The following PRKCE variants were observed in gnomAD, a reference collection of about 807,000 sequenced individuals.
The protein encoded by PRKCE is protein kinase C epsilon type.
PRKCE carries 16 observed loss-of-function variants against 85.4 expected under a neutral mutation model. The observed-to-expected ratio is 0.19, with a 90% CI of 0.13 to 0.28. PRKCE has a LOEUF of 0.28. PRKCE is among the 10% of genes least tolerant of loss of function. The pLI, the probability that PRKCE is intolerant of heterozygous loss-of-function variation, is 1.00. For missense variants in PRKCE, 573 were observed against 975.2 expected, an observed-to-expected ratio of 0.59 and a Z score of 5.49; for synonymous variants, 388 against 371.5, an observed-to-expected ratio of 1.04 and a Z score of -0.51.
chr2:45,992,730 A>G (rs200782850), intron 6 of PRKCE, among the ~76,000 whole-genome samples: 1 of 152,210 alleles, frequency 6.6e-6, no homozygotes, highest in East Asian at 1.9e-4. Flanking sequence ...CTTTGGAGGA[A>G]TTCCCAGGAG....
intron 10 of PRKCE, among the ~76,000 whole-genome samples, chr2:46,035,982 G>A (rs1321775104): frequency 6.6e-6 from 1 of 152,242 alleles, no homozygotes; most frequent in African/African-American, 2.4e-5. Context: ...GCAGGGGAAG[G>A]TGGAAGTGCT....
chr2:46,173,799 T>C (rs1419029833), intron 14 of PRKCE, among the ~76,000 whole-genome samples: 1 of 152,220 alleles, frequency 6.6e-6, no homozygotes, highest in Admixed American at 6.5e-5. Flanking sequence ...AGACAAACGA[T>C]AGTTGGCTGA....
chr2:45,813,909 A>C (rs1688832461), intron 1 of PRKCE, among the ~76,000 whole-genome samples: 1 of 152,204 alleles, frequency 6.6e-6, no homozygotes. Flanking sequence ...TTAGCTGAAT[A>C]CTTGTGAAAG....
At chr2:45,884,983 A>G (rs1387978397) in intron 2 of PRKCE, among the ~76,000 whole-genome samples, 980 of 85,968 alleles carry the variant, frequency 0.011, 94 homozygotes, top group South Asian at 0.043. Flanking sequence ...ATATATATAT[A>G]TATATATATA....
chr2:46,028,766 G>C (rs1161278118), intron 10 of PRKCE, among the ~76,000 whole-genome samples: 2 of 152,144 alleles, frequency 1.3e-5, no homozygotes, highest in African/African-American at 2.4e-5. Flanking sequence ...TCATCACCCA[G>C]GTATTAAGCT....
At chr2:45,838,856 T>G (rs184662498) in intron 1 of PRKCE, among the ~76,000 whole-genome samples, 16 of 152,238 alleles carry the variant, frequency 1.1e-4, no homozygotes, top group Non-Finnish European at 1.5e-5. Flanking sequence ...AATACCAACT[T>G]TGTTGAGGAA....
At chr2:46,048,242 T>C (rs947740569) in intron 10 of PRKCE, among the ~76,000 whole-genome samples, 1 of 152,198 alleles carries the variant, frequency 6.6e-6, no homozygotes, top group Non-Finnish European at 1.5e-5. Context: ...ACATGATCTC[T>C]TTGAGCCTTA....
intron 1 of PRKCE, among the ~76,000 whole-genome samples, chr2:45,809,219 G>A (rs755671681): frequency 3.9e-5 from 6 of 152,104 alleles, no homozygotes; most frequent in Non-Finnish European, 8.8e-5. Flanking sequence ...GGAACAAGAG[G>A]GGTATAAATA....
intron 10 of PRKCE, among the ~76,000 whole-genome samples, chr2:46,044,704 G>C (rs942688760): frequency 6.6e-6 from 1 of 152,134 alleles, no homozygotes; most frequent in Non-Finnish European, 1.5e-5. Flanking sequence ...CACCACACAC[G>C]AAGCTTTAAT....
chr2:45,817,714 T>C (rs1397064872), intron 1 of PRKCE, among the ~76,000 whole-genome samples: 1 of 152,044 alleles, frequency 6.6e-6, no homozygotes, highest in African/African-American at 2.4e-5. Context: ...AAAAAAACTT[T>C]CCAATCCTGA....
chr2:45,664,995 T>A (rs1250935220), intron 1 of PRKCE, among the ~76,000 whole-genome samples: 2 of 152,228 alleles, frequency 1.3e-5, no homozygotes, highest in East Asian at 3.8e-4. Context: ...GGTGCTGCCT[T>A]TAGAGAGCAA....
At chr2:45,826,998 C>T (rs1305336387) in intron 1 of PRKCE, among the ~76,000 whole-genome samples, 3 of 152,222 alleles carry the variant, frequency 2.0e-5, no homozygotes, top group African/African-American at 7.2e-5. Context: ...CATGCAGCCA[C>T]CTTTTAAAGT....
At chr2:45,756,257 C>G (rs1312667505) in intron 1 of PRKCE, among the ~76,000 whole-genome samples, 2 of 152,102 alleles carry the variant, frequency 1.3e-5, no homozygotes, top group Non-Finnish European at 2.9e-5. Flanking sequence ...AAGCATGCCT[C>G]CAAATACCAG....
chr2:45,916,577 C>T (rs181275433), intron 2 of PRKCE, among the ~76,000 whole-genome samples: 4 of 152,294 alleles, frequency 2.6e-5, no homozygotes, highest in Admixed American at 2.6e-4. Flanking sequence ...GCAAAGTCTG[C>T]AGATCATCTT....
intron 10 of PRKCE, among the ~76,000 whole-genome samples, chr2:46,015,975 G>A (rs554567145): frequency 4.6e-5 from 7 of 152,146 alleles, no homozygotes; most frequent in Admixed American, 6.5e-5. Flanking sequence ...CAATATGCTC[G>A]CCAGTAACAG....
At chr2:46,081,701 C>T (rs1379256611) in intron 10 of PRKCE, among the ~76,000 whole-genome samples, 1 of 152,130 alleles carries the variant, frequency 6.6e-6, no homozygotes, top group Non-Finnish European at 1.5e-5. Context: ...AGGGAACAAG[C>T]GACAGCTGGA....
chr2:45,852,667 A>T (rs1350616159), intron 2 of PRKCE, among the ~76,000 whole-genome samples: 1 of 152,224 alleles, frequency 6.6e-6, no homozygotes, highest in African/African-American at 2.4e-5. Flanking sequence ...GTTCTGAGTC[A>T]AAACCAAGAG....
intron 2 of PRKCE, among the ~76,000 whole-genome samples, chr2:45,853,950 C>T (rs1306301277): frequency 6.6e-6 from 1 of 152,214 alleles, no homozygotes; most frequent in Non-Finnish European, 1.5e-5. Flanking sequence ...AAGTTTGCCA[C>T]CTCCTGGGAG....
At chr2:45,996,341 G>A (rs373685630) in intron 6 of PRKCE, among the ~76,000 whole-genome samples, 4 of 152,132 alleles carry the variant, frequency 2.6e-5, no homozygotes, top group East Asian at 3.9e-4. Flanking sequence ...TTTCCAATCA[G>A]TATACTTTTT....
Sources: allele counts gnomAD v4.1 joint callset (sites outside exome capture counted in the v4.1 genomes callset), GRCh38; gene constraint gnomAD v4.1.1; transcripts MANE v1.5; gene names NCBI Gene and HGNC (gene_info 2026-07-23, HGNC 2026-07-21).